The following MOCOS variants were observed in gnomAD, a reference collection of about 807,000 sequenced individuals.
MOCOS encodes the protein molybdenum cofactor sulfurase.
In MOCOS, 86 loss-of-function variants were observed where a neutral mutation model predicts 83.6. The observed-to-expected ratio is 1.03, with a 90% confidence interval of 0.86 to 1.23. The LOEUF (loss-of-function observed/expected upper bound fraction) is 1.23. Ranked by LOEUF, MOCOS falls within the 50% of genes most tolerant of loss-of-function variation. The pLI is 0.00. For missense variants in MOCOS, 1,120 were observed against 1,126.9 expected, an observed-to-expected ratio of 0.99 and a Z score of 0.09; for synonymous variants, 445 against 434.7, an observed-to-expected ratio of 1.02 and a Z score of -0.29.
intron 1 of MOCOS, among the ~76,000 whole-genome samples, chr18:36,194,010 A>G (rs1031724755): frequency 6.6e-6 from 1 of 152,240 alleles, no homozygotes; most frequent in African/African-American, 2.4e-5. Flanking sequence ...CCTTGAAAAC[A>G]TTATGCTAAA....
chr18:36,215,911 G>T lies in MOCOS; in HGVS notation c.1731G>T (p.Gly577=). ...AGAAAGCTGCAGGAGTCCTGGAGGG[G>T]GCCCTTGGGCCACATGTTGTCACTA... ...PSEKAAGVLE[G]ALGPHVVTNL... is the part of the protein sequence containing the mutation. Residue 577 remains glycine, a synonymous_variant, in exon 8 of 15, where the codon GGG becomes GGT. Transcript: ENST00000261326. 6.2e-7 allele frequency: 1 copy of T among 1,613,698 alleles called. No individual in the cohort carries two copies. Among genetic ancestry groups the T allele is most frequent in the Non-Finnish European group, 8.5e-7 (1 of 1,179,710 alleles).
At chr18:36,193,526 G>C (rs1736852039) in intron 1 of MOCOS, among the ~76,000 whole-genome samples, 1 of 151,964 alleles carries the variant, frequency 6.6e-6, no homozygotes, top group South Asian at 2.1e-4. Flanking sequence ...GGGACAACTG[G>C]ATATCAACAT....
chr18:36,268,244 C>G (rs1449346232), intron 14 of MOCOS, among the ~76,000 whole-genome samples: 1 of 152,126 alleles, frequency 6.6e-6, no homozygotes, highest in Non-Finnish European at 1.5e-5. Context: ...GGAAGAAAGT[C>G]CTTCTGCAGG....
chr18:36,242,035 T>A (rs939328084), intron 9 of MOCOS, among the ~76,000 whole-genome samples: 2 of 152,240 alleles, frequency 1.3e-5, no homozygotes, highest in African/African-American at 2.4e-5. Context: ...TACCAGGATC[T>A]CTGACATGCC....
At position 36,215,688 on chromosome 18, in the gene MOCOS, C is replaced by A. The variant is rs1290182584; in HGVS notation, c.1508C>A (p.Ala503Asp). 1 of 1,614,060 alleles carries A rather than the reference C, an allele frequency of 6.2e-7. No homozygotes were observed. The highest frequency in any genetic ancestry group is 1.7e-5 in the Admixed American group (1 of 60,004). ...SGDWPVPQAH[A>D]DTGETGAPSA... ...GACTGGCCTGTCCCTCAGGCCCATG[C>A]TGACACCGGGGAGACTGGAGCCCCA... Residue 503 changes from alanine (A) to aspartate (D), a missense_variant, in exon 8 of 15, where the codon GCT becomes GAT. Physicochemically the swap from Ala to Asp is moderately radical, Grantham distance 126. Coordinates refer to ENST00000261326, the MANE Select transcript of MOCOS (RefSeq NM_017947.4).
In MOCOS at chr18:36,257,004, T is replaced by C; in HGVS notation, c.2201T>C (p.Val734Ala). Residue 734 changes from valine (V) to alanine (A), a missense_variant, in exon 12 of 15, where the codon GTG becomes GCG. Val to Ala is a moderately conservative substitution (Grantham distance 64, BLOSUM62 0). Coordinates refer to ENST00000261326, the MANE Select transcript of MOCOS (RefSeq NM_017947.4). The part of the protein sequence containing the change: ...LPGTMATLSL[V>A]NEAQYLLINT... ...GGTACAATGGCCACCCTTTCTCTGG[T>C]GAATGAGGCACAGTATCTGCTGATC... is the stretch of plus-strand genomic sequence containing the variant. 1 of 1,614,158 alleles carries C rather than the reference T, an allele frequency of 6.2e-7. No individual in the cohort carries two copies. The highest frequency in any genetic ancestry group is 8.5e-7 in the Non-Finnish European group (1 of 1,180,000).
At chr18:36,256,292 C>T (rs987673854) in intron 11 of MOCOS, among the ~76,000 whole-genome samples, 2 of 152,222 alleles carry the variant, frequency 1.3e-5, no homozygotes, top group Non-Finnish European at 2.9e-5. Context: ...GATTCAGAAG[C>T]TCTTCCTGGG....
chr18:36,243,001 A>G (rs949566308), intron 9 of MOCOS, among the ~76,000 whole-genome samples: 1 of 152,118 alleles, frequency 6.6e-6, no homozygotes, highest in Middle Eastern at 3.2e-3. Flanking sequence ...TTGGTTAGGT[A>G]TATTGCTAAG....
chr18:36,233,548 T>C (rs1174343544), intron 9 of MOCOS, among the ~76,000 whole-genome samples: 1 of 152,214 alleles, frequency 6.6e-6, no homozygotes, highest in African/African-American at 2.4e-5. Flanking sequence ...TCTGGGTAAA[T>C]ACCCAGTAGT....
At chr18:36,193,317 C>CAAAAAAAAAAAAA (rs555145311) in intron 1 of MOCOS, among the ~76,000 whole-genome samples, 4 of 38,310 alleles carry the variant, frequency 1.0e-4, no homozygotes, top group African/African-American at 1.0e-4. Flanking sequence ...GACTCCGTCT[C>CAAAAAAAAAAAAA]AAAAAAAAAA....
chr18:36,206,691 A>C (rs1221239145), intron 6 of MOCOS, among the ~76,000 whole-genome samples: 1 of 151,998 alleles, frequency 6.6e-6, no homozygotes, highest in Non-Finnish European at 1.5e-5. Flanking sequence ...CTTTGTGTCC[A>C]TGTGTACTCA....
intron 9 of MOCOS, among the ~76,000 whole-genome samples, chr18:36,248,037 CATGATGGCTGT>C (rs2030427166): frequency 6.6e-6 from 1 of 152,014 alleles, no homozygotes; most frequent in South Asian, 2.1e-4. Flanking sequence ...TAGTGTTTTC[CATGATGGCTGT>C]ACTAATTCAC....
chr18:36,216,355 G>A (rs752544219), intron 8 of MOCOS, among the ~76,000 whole-genome samples: 7 of 152,180 alleles, frequency 4.6e-5, no homozygotes, highest in African/African-American at 7.2e-5. Flanking sequence ...TGGAGCCTGA[G>A]GGTTTTGAGG....
intron 13 of MOCOS, among the ~76,000 whole-genome samples, chr18:36,261,881 AT>A (rs886652547): frequency 6.6e-6 from 1 of 152,142 alleles, no homozygotes; most frequent in Non-Finnish European, 1.5e-5. Flanking sequence ...CTAAATATAC[AT>A]TATCAAATAG....
intron 9 of MOCOS, among the ~76,000 whole-genome samples, chr18:36,229,367 A>T (rs2091529608): frequency 6.6e-6 from 1 of 152,136 alleles, no homozygotes; most frequent in South Asian, 2.1e-4. Flanking sequence ...CTGCTGAAAA[A>T]AATCCACTGA....
rs754801723 is a variant in MOCOS, at chr18:36,251,143, C to G, written c.2040-16C>G. 1.1e-5 allele frequency: 17 copies of G among 1,609,756 alleles called. No individual in the cohort carries two copies. The highest frequency in any genetic ancestry group is 7.7e-5 in the South Asian group (7 of 90,984). ...TACTATGTAACAGTTCACTCTTTCT[C>G]TCTCTCTTTTGCCAGAGTAAGTACT... On this transcript the variant is annotated splice_polypyrimidine_tract_variant and intron_variant, in intron 10 of 14. Transcript: ENST00000261326.
intron 4 of MOCOS, among the ~76,000 whole-genome samples, chr18:36,202,534 G>A (rs2091418464): frequency 6.6e-6 from 1 of 152,170 alleles, no homozygotes; most frequent in Non-Finnish European, 1.5e-5. Context: ...ACTGCAGAGT[G>A]GGTCAGGGCC....
intron 9 of MOCOS, among the ~76,000 whole-genome samples, chr18:36,228,529 A>C (rs990412996): frequency 2.0e-5 from 3 of 152,226 alleles, no homozygotes; most frequent in Non-Finnish European, 4.4e-5. Flanking sequence ...TGTCTTTTTC[A>C]GGGACATAGA....
intron 9 of MOCOS, among the ~76,000 whole-genome samples, chr18:36,246,400 G>A (rs889806424): frequency 2.2e-4 from 33 of 151,952 alleles, no homozygotes; most frequent in African/African-American, 7.3e-4. Context: ...TGCCTTTCTG[G>A]TTCTAGCCAT....
Sources: gnomAD v4.1 joint callset for allele counts (sites outside exome capture counted in the v4.1 genomes callset) on GRCh38, gnomAD v4.1.1 for gene constraint, MANE v1.5 for transcripts, NCBI Gene and HGNC (gene_info 2026-07-23, HGNC 2026-07-21) for gene names.